The following CD200 variants were observed in gnomAD, a reference collection of about 807,000 sequenced individuals.
CD200 encodes CD200 molecule.
Under a neutral mutation model 30.9 loss-of-function variants are expected in CD200, and 15 were observed. That is an observed-to-expected ratio of 0.49 (90% CI 0.32 to 0.75). CD200 has a LOEUF of 0.75. Among genes scored for constraint, CD200 ranks in the 30% least tolerant of loss-of-function variants. The pLI, the probability that CD200 is intolerant of heterozygous loss-of-function variation, is 0.03. For synonymous variants in CD200, 134 were observed against 126.2 expected (o/e 1.06, Z -0.41); for missense variants, 262 against 324.2 (o/e 0.81, Z 1.47).
chr3:112,351,667 T>C (rs540376593), intron 5 of CD200, among the ~76,000 whole-genome samples: 18 of 146,082 alleles, frequency 1.2e-4, no homozygotes, highest in Non-Finnish European at 2.4e-4. Context: ...CCAATTGCAT[T>C]AATTCCTCTG....
chr3:112,354,151 T>C (rs2081586080), intron 5 of CD200, among the ~76,000 whole-genome samples: 1 of 152,146 alleles, frequency 6.6e-6, no homozygotes, highest in Admixed American at 6.5e-5. Flanking sequence ...TAAACCCACA[T>C]GGGCATAGAT....
intron 5 of CD200, among the ~76,000 whole-genome samples, chr3:112,356,722 A>G (rs1046591846): frequency 1.3e-5 from 2 of 152,248 alleles, no homozygotes; most frequent in Non-Finnish European, 2.9e-5. Context: ...TTTAGCAAGG[A>G]TGATTGCAAA....
At chr3:112,334,322 G>C in intron 1 of CD200, 1 of 867,936 alleles carries the variant, frequency 1.2e-6, no homozygotes. Flanking sequence ...AGGTTTTTGT[G>C]AACCCTGGAC....
intron 5 of CD200, among the ~76,000 whole-genome samples, chr3:112,356,476 TTA>T (rs1212013746): frequency 3.3e-5 from 5 of 152,154 alleles, no homozygotes; most frequent in Non-Finnish European, 7.3e-5. Flanking sequence ...CCTCACATAC[TTA>T]TTTTTTTGTG....
intron 1 of CD200, among the ~76,000 whole-genome samples, chr3:112,340,384 C>G (rs2081211769): frequency 6.6e-6 from 1 of 152,158 alleles, no homozygotes; most frequent in Non-Finnish European, 1.5e-5. Context: ...AAATTAAAGC[C>G]AGTACTGCTT....
intron 3 of CD200, among the ~76,000 whole-genome samples, chr3:112,347,294 C>T (rs13098589): frequency 0.28 from 42,788 of 152,112 alleles, 6,818 homozygotes; most frequent in Non-Finnish European, 0.37. Flanking sequence ...TACTCTATGT[C>T]CATCTGACAA....
Position 112,333,186 on chromosome 3 carries a change from A to G in CD200, c.-27A>G. 1 of 1,549,390 alleles carries G rather than the reference A, an allele frequency of 6.5e-7. No individual in the cohort carries two copies. The highest frequency in any genetic ancestry group is 1.2e-5 in the South Asian group (1 of 84,004). Reference sequence around the variant, plus strand: ...TCCAGGCGCACATCCGCAGTCAGCCACCTCGCGCGCGCCTCCAGGAGCAAG... The same window carrying G: ...TCCAGGCGCACATCCGCAGTCAGCCGCCTCGCGCGCGCCTCCAGGAGCAAG... On this transcript the variant is annotated 5_prime_UTR_variant, in exon 1 of 6. Coordinates refer to ENST00000315711, the MANE Select transcript of CD200 (RefSeq NM_005944.7).
intron 4 of CD200, among the ~76,000 whole-genome samples, chr3:112,348,808 A>C (rs1158643753): frequency 6.6e-6 from 1 of 152,150 alleles, no homozygotes; most frequent in African/African-American, 2.4e-5. Flanking sequence ...ATATTTGTGA[A>C]GAGATCTTCA....
In CD200 at chr3:112,360,170, A is replaced by T. The variant is rs562661353; in HGVS notation, c.803-1373A>T. Among the ~76,000 whole-genome samples the T allele has an allele frequency of 3.9e-5, 6 of 152,208 alleles. No homozygotes were observed. The East Asian group carries it at 1.2e-3, about 29-fold the overall frequency. ...TAGTGAAACCCCATCTCTACTGAAA[A>T]TATGAAAATTAGCCGGGCATAGTGG... On this transcript the variant is annotated intron_variant, in intron 5 of 5. Coordinates refer to ENST00000315711, the MANE Select transcript of CD200 (RefSeq NM_005944.7).
intron 1 of CD200, chr3:112,336,127 G>A (rs957180897): frequency 3.9e-6 from 3 of 771,210 alleles, no homozygotes; most frequent in Admixed American, 4.1e-5. Flanking sequence ...CTGTTATTTG[G>A]AATTGGTTTG....
chr3:112,333,569 C>A, intron 1 of CD200: 1 of 985,438 alleles, frequency 1.0e-6, no homozygotes. Flanking sequence ...GGCTCACTGG[C>A]TCCAGCTCCC....
chr3:112,351,384 T>C (rs1030773777), intron 5 of CD200, among the ~76,000 whole-genome samples: 1 of 152,230 alleles, frequency 6.6e-6, no homozygotes, highest in Non-Finnish European at 1.5e-5. Flanking sequence ...AAGTCCCTCT[T>C]GGGCAAAAGT....
chr3:112,333,502 C>CG, intron 1 of CD200: 2 of 985,426 alleles, frequency 2.0e-6, no homozygotes, highest in Non-Finnish European at 2.4e-6. Context: ...GCCGGGGCTC[C>CG]GGGGGCTCTT....
At chr3:112,341,840 G>A (rs2081245472) in intron 2 of CD200, among the ~76,000 whole-genome samples, 1 of 152,120 alleles carries the variant, frequency 6.6e-6, no homozygotes, top group South Asian at 2.1e-4. Flanking sequence ...TCTCTGGTCT[G>A]CAAAATCTCA....
chr3:112,333,129 A>C (rs963687271), upstream of CD200: 51 of 1,535,372 alleles, frequency 3.3e-5, no homozygotes, highest in Non-Finnish European at 7.9e-6. Context: ...GCAGGGGCAC[A>C]GGTGACGCTC....
chr3:112,354,645 T>C (rs1224435440), intron 5 of CD200, among the ~76,000 whole-genome samples: 3 of 152,226 alleles, frequency 2.0e-5, no homozygotes, highest in South Asian at 2.1e-4. Flanking sequence ...TCATAAATGC[T>C]GTATTAATTT....
intron 2 of CD200, among the ~76,000 whole-genome samples, chr3:112,342,345 CTTTCTTTCTTTCT>C (rs1559783271): frequency 0.037 from 424 of 11,592 alleles, 63 homozygotes; most frequent in African/African-American, 0.063. Flanking sequence ...TTCCTTCTTT[CTTTCTTTCTTTCT>C]TTCTTTCTTT....
intron 2 of CD200, among the ~76,000 whole-genome samples, chr3:112,343,192 C>G (rs1047623713): frequency 8.7e-5 from 13 of 149,904 alleles, no homozygotes; most frequent in East Asian, 2.0e-4. Context: ...TTTATACACA[C>G]ACAGAGAGAG....
chr3:112,342,616 T>C (rs2081294553), intron 2 of CD200, among the ~76,000 whole-genome samples: 1 of 151,886 alleles, frequency 6.6e-6, no homozygotes, highest in Admixed American at 6.6e-5. Flanking sequence ...AGAAACAGGG[T>C]TTCACTTTGT....
Sources: gnomAD v4.1 joint callset for allele counts (sites outside exome capture counted in the v4.1 genomes callset) on GRCh38, gnomAD v4.1.1 for gene constraint, MANE v1.5 for transcripts, NCBI Gene and HGNC (gene_info 2026-07-23, HGNC 2026-07-21) for gene names.